The following SOX6 variants were observed in gnomAD, a reference collection of about 807,000 sequenced individuals.
SOX6 encodes the protein transcription factor SOX-6.
A neutral mutation model predicts 97.8 loss-of-function variants in SOX6; 11 were observed. The observed-to-expected ratio is 0.11, with a 90% CI of 0.07 to 0.19. The LOEUF (loss-of-function observed/expected upper bound fraction) is 0.19. SOX6 is among the 10% of genes least tolerant of loss of function. The pLI, the probability that SOX6 is intolerant of heterozygous loss-of-function variation, is 1.00. For missense variants in SOX6, 810 were observed against 1,039.5 expected, an observed-to-expected ratio of 0.78 and a Z score of 3.04; for synonymous variants, 360 against 371.4, an observed-to-expected ratio of 0.97 and a Z score of 0.35.
At chr11:16,471,256 T>G (rs1860137475) in intron 1 of SOX6, among the ~76,000 whole-genome samples, 1 of 152,144 alleles carries the variant, frequency 6.6e-6, no homozygotes. Flanking sequence ...AAGGAAGTTT[T>G]ACTTTTTTAA....
chr11:16,320,929 G>C (rs1051479538), intron 2 of SOX6, among the ~76,000 whole-genome samples: 4 of 152,124 alleles, frequency 2.6e-5, no homozygotes, highest in Non-Finnish European at 5.9e-5. Flanking sequence ...GCAGGAAAGA[G>C]AGCTCTTCTT....
intron 6 of SOX6, 129 bp downstream of exon 6, chr11:16,183,757 C>G: frequency 1.3e-6 from 1 of 769,444 alleles, no homozygotes; most frequent in South Asian, 1.5e-5. Flanking sequence ...GAATTGTGCA[C>G]AACATCCTTG....
intron 4 of SOX6, among the ~76,000 whole-genome samples, chr11:16,225,596 C>T (rs865892102): frequency 2.0e-5 from 3 of 151,752 alleles, no homozygotes; most frequent in Non-Finnish European, 4.4e-5. Context: ...GGAGAGAGAA[C>T]TGGATTTTAA....
At position 16,022,390 on chromosome 11, in the gene SOX6, CCTCT is replaced by C. The variant is rs751154408; in HGVS notation, c.1624-7344_1624-7341del. ...TCCTTCCTTCCTCCCTCCCTCCCTTCCTCTCTCTCTCTCTCTCTCTTTCTCTTTC... is the reference window on the plus strand; with the variant it reads ...TCCTTCCTTCCTCCCTCCCTCCCTTCCTCTCTCTCTCTCTCTTTCTCTTTC... On this transcript the variant is annotated intron_variant, in intron 12 of 15. Coordinates refer to ENST00000683767, the MANE Select transcript of SOX6 (RefSeq NM_001367873.1). Among the ~76,000 whole-genome samples the C allele has an allele frequency of 2.9e-4, 41 of 142,300 alleles. No individual in the cohort carries two copies. The South Asian group carries it at 5.0e-3, about 17-fold the overall frequency. The allele number at this position is 142,300 out of a possible 152,430, so 93.4% of individuals were successfully genotyped here. A position where few individuals can be genotyped will look rare whatever the true frequency, so the allele number is the denominator to read the frequency against.
intron 4 of SOX6, among the ~76,000 whole-genome samples, chr11:16,583,640 C>CATATATATATATAT (rs1342015213): frequency 1.1e-5 from 1 of 92,792 alleles, no homozygotes; most frequent in Non-Finnish European, 2.5e-5. Flanking sequence ...TATATATACA[C>CATATATATATATAT]ATACACACAC....
intron 3 of SOX6, among the ~76,000 whole-genome samples, chr11:16,294,094 C>A (rs1854996444): frequency 6.6e-6 from 1 of 151,762 alleles, no homozygotes; most frequent in Admixed American, 6.6e-5. Flanking sequence ...GTTTGAAATT[C>A]AAGGGGCCAA....
intron 6 of SOX6, among the ~76,000 whole-genome samples, chr11:16,166,854 G>A (rs1850899670): frequency 6.6e-6 from 1 of 152,140 alleles, no homozygotes; most frequent in Non-Finnish European, 1.5e-5. Context: ...GAAAGTATGA[G>A]TCGTGTTCTG....
intron 4 of SOX6, among the ~76,000 whole-genome samples, chr11:16,525,050 T>C: frequency 6.6e-6 from 1 of 152,146 alleles, no homozygotes; most frequent in East Asian, 1.9e-4. Context: ...AAAATGGCCA[T>C]ACTGCCCAAG....
chr11:16,523,008 T>G (rs1328860122), intron 4 of SOX6, among the ~76,000 whole-genome samples: 1 of 152,116 alleles, frequency 6.6e-6, no homozygotes, highest in Admixed American at 6.6e-5. Flanking sequence ...ACAAAGAGAC[T>G]TAGACTCCCA....
intron 1 of SOX6, among the ~76,000 whole-genome samples, chr11:16,416,722 A>G (rs1203985738): frequency 6.6e-6 from 1 of 152,122 alleles, no homozygotes; most frequent in Non-Finnish European, 1.5e-5. Flanking sequence ...TCATTCAACA[A>G]ATATTTATTA....
chr11:16,253,135 G>A (rs1298102639), intron 3 of SOX6, among the ~76,000 whole-genome samples: 1 of 152,098 alleles, frequency 6.6e-6, no homozygotes, highest in African/African-American at 2.4e-5. Flanking sequence ...ATCACCTGAG[G>A]TAGGGAGTTC....
intron 6 of SOX6, among the ~76,000 whole-genome samples, chr11:16,146,427 A>G (rs1028630977): frequency 1.3e-5 from 2 of 152,232 alleles, no homozygotes; most frequent in Admixed American, 6.5e-5. Context: ...AATACCATTC[A>G]GGACATAGGC....
At chr11:16,062,609 CTGA>C (rs1847986841) in intron 9 of SOX6, among the ~76,000 whole-genome samples, 1 of 151,638 alleles carries the variant, frequency 6.6e-6, no homozygotes, top group African/African-American at 2.4e-5. Flanking sequence ...AAAATTCACA[CTGA>C]TTGTTTGGGA....
chr11:16,427,891 T>C (rs1358145235), intron 1 of SOX6, among the ~76,000 whole-genome samples: 2 of 152,216 alleles, frequency 1.3e-5, no homozygotes, highest in Non-Finnish European at 2.9e-5. Context: ...TCTAGATCCC[T>C]GAGGAATCGC....
At chr11:16,047,437 G>A (rs925976518) in intron 11 of SOX6, among the ~76,000 whole-genome samples, 4 of 151,886 alleles carry the variant, frequency 2.6e-5, no homozygotes, top group Non-Finnish European at 1.5e-5. Context: ...ACTGGTTTTC[G>A]CATAACTACA....
intron 9 of SOX6, among the ~76,000 whole-genome samples, chr11:16,093,997 A>G (rs1307454776): frequency 1.3e-5 from 2 of 151,894 alleles, no homozygotes; most frequent in Non-Finnish European, 2.9e-5. Context: ...ACATGAGCAA[A>G]CAGATCAAAG....
At chr11:16,259,945 ATGTGTGTGTG>A (rs5789946) in intron 3 of SOX6, among the ~76,000 whole-genome samples, 3 of 149,038 alleles carry the variant, frequency 2.0e-5, no homozygotes, top group Non-Finnish European at 4.5e-5. Flanking sequence ...TGTCCCAAAT[ATGTGTGTGTG>A]TGTGTGTGTG....
intron 3 of SOX6, among the ~76,000 whole-genome samples, chr11:16,636,211 G>T (rs906948771): frequency 6.6e-6 from 1 of 152,236 alleles, no homozygotes; most frequent in African/African-American, 2.4e-5. Flanking sequence ...GCCCTGCAAA[G>T]CTACAGGGTC....
chr11:16,499,080 T>C (rs555945210), intron 4 of SOX6, among the ~76,000 whole-genome samples: 2 of 152,270 alleles, frequency 1.3e-5, no homozygotes, highest in South Asian at 2.1e-4. Context: ...GCAGCAAATG[T>C]AAAAGAACAG....
Sources: allele counts gnomAD v4.1 joint callset (sites outside exome capture counted in the v4.1 genomes callset), GRCh38; gene constraint gnomAD v4.1.1; transcripts MANE v1.5; gene names NCBI Gene and HGNC (gene_info 2026-07-23, HGNC 2026-07-21).